EPAS1: variants seen among roughly 807,000 people sequenced by gnomAD.
The protein encoded by EPAS1 is endothelial PAS domain protein 1, also known as endothelial PAS domain-containing protein 1.
In EPAS1, 23 loss-of-function variants were observed where a neutral mutation model predicts 87.9. That is an observed-to-expected ratio of 0.26 (90% CI 0.19 to 0.37). The LOEUF (loss-of-function observed/expected upper bound fraction) is 0.37. Among genes scored for constraint, EPAS1 ranks in the 10% least tolerant of loss-of-function variants. The pLI is 1.00. For missense variants in EPAS1, 1,138 were observed against 1,120.7 expected (o/e 1.02, Z -0.22); for synonymous variants, 508 against 444.3 (o/e 1.14, Z -1.80).
chr2:46,376,778 GC>G (rs1553397547), intron 9 of EPAS1, 25 bp downstream of exon 9: 22 of 1,610,694 alleles, frequency 1.4e-5, no homozygotes, highest in African/African-American at 2.7e-5. Context: ...GCTAAGCCAG[GC>G]CCCTGGAACC....
At chr2:46,377,753 C>A (rs7594408) in intron 9 of EPAS1, 141 bp from the exon 10 acceptor site, 4 of 1,383,564 alleles carry the variant, frequency 2.9e-6, no homozygotes, top group South Asian at 1.3e-5. Context: ...TCCAGCTGAG[C>A]CCCAGGGTGT....
At chr2:46,365,801 G>A (rs147805527) in intron 6 of EPAS1, among the ~76,000 whole-genome samples, 24 of 152,272 alleles carry the variant, frequency 1.6e-4, no homozygotes, top group African/African-American at 4.8e-4. Flanking sequence ...GTAAGGAAAC[G>A]CAGTGTCAAA....
chr2:46,334,678 T>C (rs1283328909), intron 1 of EPAS1, among the ~76,000 whole-genome samples: 1 of 152,188 alleles, frequency 6.6e-6, no homozygotes, highest in Non-Finnish European at 1.5e-5. Flanking sequence ...AGCCCCATCG[T>C]AGGAAGAGAG....
chr2:46,343,662 A>G (rs970168800), intron 1 of EPAS1, among the ~76,000 whole-genome samples: 2 of 152,242 alleles, frequency 1.3e-5, no homozygotes, highest in African/African-American at 4.8e-5. Flanking sequence ...TTCAGCTGAA[A>G]TCCCACCTCC....
intron 1 of EPAS1, among the ~76,000 whole-genome samples, chr2:46,319,352 C>T (rs1683409639): frequency 1.3e-5 from 2 of 152,180 alleles, no homozygotes; most frequent in South Asian, 4.1e-4. Flanking sequence ...ACCAAGATTT[C>T]AAATAAGCTC....
intron 1 of EPAS1, among the ~76,000 whole-genome samples, chr2:46,314,901 C>A (rs528839400): frequency 6.9e-4 from 105 of 152,258 alleles, no homozygotes; most frequent in Middle Eastern, 3.4e-3. Flanking sequence ...GTGGGCTGCC[C>A]AGTGGTTTCT....
chr2:46,338,100 G>A (rs564042692), intron 1 of EPAS1, among the ~76,000 whole-genome samples: 15 of 152,194 alleles, frequency 9.9e-5, no homozygotes, highest in Non-Finnish European at 1.8e-4. Context: ...TATTGGCCTT[G>A]TAGGGAAGGT....
At chr2:46,350,126 A>T (rs6544888) in intron 2 of EPAS1, among the ~76,000 whole-genome samples, 1 of 152,052 alleles carries the variant, frequency 6.6e-6, no homozygotes, top group Non-Finnish European at 1.5e-5. Flanking sequence ...TATTAAATAT[A>T]GGCTTCTGGA....
At chr2:46,378,788 G>A (rs1684816356) in intron 11 of EPAS1, 21 bp downstream of exon 11, 1 of 1,594,766 alleles carries the variant, frequency 6.3e-7, no homozygotes, top group Admixed American at 1.7e-5. Context: ...GTGGAGATCA[G>A]GCTAGGGTGT....
chr2:46,382,349 AG>A (rs1219291047), intron 14 of EPAS1, 75 bp from the exon 15 acceptor site: 2 of 1,574,762 alleles, frequency 1.3e-6, no homozygotes, highest in African/African-American at 2.7e-5. Context: ...TATAAAGGAA[AG>A]GGATGCTAGG....
intron 6 of EPAS1, among the ~76,000 whole-genome samples, chr2:46,367,224 A>G (rs1684521602): frequency 6.6e-6 from 1 of 152,270 alleles, no homozygotes; most frequent in Non-Finnish European, 1.5e-5. Flanking sequence ...TATAATAAAC[A>G]TCTACTTTGA....
chr2:46,301,824 GAAA>G (rs3053640), intron 1 of EPAS1, among the ~76,000 whole-genome samples: 3 of 131,380 alleles, frequency 2.3e-5, no homozygotes, highest in Non-Finnish European at 3.2e-5. Context: ...TTTGCTTTTT[GAAA>G]AAAAAAAAAA....
At chr2:46,362,106 T>C (rs1684405842) in intron 6 of EPAS1, among the ~76,000 whole-genome samples, 1 of 152,232 alleles carries the variant, frequency 6.6e-6, no homozygotes, top group African/African-American at 2.4e-5. Context: ...TCTCCCTGCC[T>C]GACCTCAGCT....
At chr2:46,383,577 G>T (rs770465462) in intron 15 of EPAS1, among the ~76,000 whole-genome samples, 3 of 152,204 alleles carry the variant, frequency 2.0e-5, no homozygotes, top group Non-Finnish European at 4.4e-5. Flanking sequence ...TGGCTCTGCT[G>T]TTGAGTTCAG....
chr2:46,332,379 A>G (rs1055261368), intron 1 of EPAS1, among the ~76,000 whole-genome samples: 3 of 151,662 alleles, frequency 2.0e-5, no homozygotes, highest in Non-Finnish European at 4.4e-5. Flanking sequence ...AATGAAGTAA[A>G]GATGACATTA....
chr2:46,312,497 CTATTA>C (rs140630103), intron 1 of EPAS1, among the ~76,000 whole-genome samples: 2,907 of 152,214 alleles, frequency 0.019, 98 homozygotes, highest in African/African-American at 0.067. Flanking sequence ...ACTTTTGCAA[CTATTA>C]TCTCAATAGA....
chr2:46,336,983 C>T (rs941657712), intron 1 of EPAS1, among the ~76,000 whole-genome samples: 5 of 152,144 alleles, frequency 3.3e-5, no homozygotes, highest in South Asian at 2.1e-4. Flanking sequence ...CTTGAGTGTC[C>T]GCAGGGTGAC....
chr2:46,383,673 A>AAATC (rs1356638535), intron 15 of EPAS1, among the ~76,000 whole-genome samples: 1 of 152,242 alleles, frequency 6.6e-6, no homozygotes, highest in Non-Finnish European at 1.5e-5. Context: ...TTGAATATTG[A>AAATC]AATCAAGGGA....
intron 15 of EPAS1, among the ~76,000 whole-genome samples, chr2:46,383,690 T>A (rs1684951431): frequency 6.6e-6 from 1 of 152,232 alleles, no homozygotes; most frequent in African/African-American, 2.4e-5. Context: ...GGGAAAATCA[T>A]ATTCTTTTCA....
Sources: allele counts gnomAD v4.1 joint callset (sites outside exome capture counted in the v4.1 genomes callset), GRCh38; gene constraint gnomAD v4.1.1; transcripts MANE v1.5; gene names NCBI Gene and HGNC (gene_info 2026-07-23, HGNC 2026-07-21).